Variants in SEMA3E observed in about 807,000 individuals in gnomAD.
SEMA3E encodes semaphorin 3E, also known as semaphorin-3E.
Under a neutral mutation model 93.6 loss-of-function variants are expected in SEMA3E, and 49 were observed. The observed-to-expected ratio is 0.52, with a 90% CI of 0.42 to 0.66. The LOEUF is 0.66. Ranked by LOEUF, SEMA3E falls within the 30% of genes least tolerant of loss-of-function variation. The probability of loss-of-function intolerance (pLI) is 0.00; values close to 1 mark genes in which losing one functional copy is unlikely to be tolerated. For synonymous variants in SEMA3E, 363 were observed against 330.7 expected, an observed-to-expected ratio of 1.10 and a Z score of -1.06; for missense variants, 906 against 964.8, an observed-to-expected ratio of 0.94 and a Z score of 0.81.
rs1254540271 is a variant in SEMA3E at position 83,614,088 on chromosome 7, TTC to T, written c.115+34338_115+34339del. Among the ~76,000 whole-genome samples, 3 of 152,242 alleles carry T rather than the reference TTC, an allele frequency of 2.0e-5. No individual in the cohort carries two copies. The East Asian group carries it at 5.8e-4, about 29-fold the overall frequency. Reference sequence around the variant, plus strand: ...CTTGATGTTACTAAGAGAGAAGATTTTCTGTTTGTCCCTGAAAGTCTCAAGTA... The same window carrying T: ...CTTGATGTTACTAAGAGAGAAGATTTTGTTTGTCCCTGAAAGTCTCAAGTA... On this transcript the variant is annotated intron_variant, in intron 1 of 16. Coordinates refer to ENST00000643230, the MANE Select transcript of SEMA3E (RefSeq NM_012431.3).
At chr7:83,421,968 G>T (rs1428304046) in intron 4 of SEMA3E, among the ~76,000 whole-genome samples, 1 of 152,084 alleles carries the variant, frequency 6.6e-6, no homozygotes, top group Non-Finnish European at 1.5e-5. Flanking sequence ...ACCTGAGGTT[G>T]GGAGTTCGAG....
At chr7:83,557,372 T>A (rs1446329053) in intron 1 of SEMA3E, among the ~76,000 whole-genome samples, 3 of 151,596 alleles carry the variant, frequency 2.0e-5, no homozygotes, top group Non-Finnish European at 2.9e-5. Context: ...ACATAAATAT[T>A]GATCAATAAT....
At position 83,391,568 on chromosome 7, in the gene SEMA3E, G is replaced by A. The variant is rs569601637; in HGVS notation, c.1667+987C>T. Among the ~76,000 whole-genome samples, 6 of 151,288 alleles carry A rather than the reference G, an allele frequency of 4.0e-5. No individual in the cohort carries two copies. The South Asian group carries it at 8.4e-4, about 21-fold the overall frequency. ...AAATTTAGTTCAGAAATGTCCTCTC[G>A]AAGCATAATTTTACTATCCACTTAT... On this transcript the variant is annotated intron_variant, in intron 14 of 16. Transcript: ENST00000643230.
chr7:83,429,614 C>T (rs1427730729), intron 4 of SEMA3E, among the ~76,000 whole-genome samples: 3 of 152,268 alleles, frequency 2.0e-5, no homozygotes, highest in East Asian at 3.9e-4. Flanking sequence ...CCCTGCAGTG[C>T]TTTTGTTTTT....
chr7:83,563,550 AC>A (rs374086034), intron 1 of SEMA3E, among the ~76,000 whole-genome samples: 1 of 152,228 alleles, frequency 6.6e-6, no homozygotes, highest in African/African-American at 2.4e-5. Context: ...TTTATCCCAG[AC>A]CTACTTAATC....
intron 1 of SEMA3E, among the ~76,000 whole-genome samples, chr7:83,585,976 G>A (rs1480539353): frequency 6.6e-6 from 1 of 152,138 alleles, no homozygotes; most frequent in Non-Finnish European, 1.5e-5. Context: ...CCTAACAAAT[G>A]ATCAATAAAT....
At chr7:83,629,543 C>T (rs1002917755) in intron 1 of SEMA3E, among the ~76,000 whole-genome samples, 3 of 152,168 alleles carry the variant, frequency 2.0e-5, no homozygotes, top group Admixed American at 6.5e-5. Flanking sequence ...TGCCGAGCTA[C>T]GATGGGCTCT....
At chr7:83,407,307 A>C in intron 6 of SEMA3E, 68 bp from the exon 7 acceptor site, 2 of 1,299,276 alleles carry the variant, frequency 1.5e-6, no homozygotes, top group Non-Finnish European at 2.2e-6. Flanking sequence ...AAGTTATTCC[A>C]ATAAATTGTA....
intron 1 of SEMA3E, among the ~76,000 whole-genome samples, chr7:83,616,947 A>G (rs1026709097): frequency 6.6e-6 from 1 of 151,668 alleles, no homozygotes; most frequent in African/African-American, 2.4e-5. Flanking sequence ...CTGGTCTCGA[A>G]CTCCTGAACT....
At chr7:83,511,844 C>A (rs550112676) in intron 1 of SEMA3E, among the ~76,000 whole-genome samples, 1 of 152,132 alleles carries the variant, frequency 6.6e-6, no homozygotes, top group Non-Finnish European at 1.5e-5. Flanking sequence ...AGCAGTGAGC[C>A]GAGACCGCGC....
At chr7:83,465,849 ATGAC>A (rs1789744734) in intron 4 of SEMA3E, among the ~76,000 whole-genome samples, 1 of 152,192 alleles carries the variant, frequency 6.6e-6, no homozygotes, top group African/African-American at 2.4e-5. Context: ...AATAGGTTAT[ATGAC>A]TGATCTTTGA....
chr7:83,525,019 G>T (rs1791126487), intron 1 of SEMA3E, among the ~76,000 whole-genome samples: 1 of 151,940 alleles, frequency 6.6e-6, no homozygotes, highest in Non-Finnish European at 1.5e-5. Context: ...CTGTTTTACT[G>T]AAGTACATCA....
At chr7:83,513,439 C>T (rs1790864398) in intron 1 of SEMA3E, among the ~76,000 whole-genome samples, 1 of 152,116 alleles carries the variant, frequency 6.6e-6, no homozygotes, top group Non-Finnish European at 1.5e-5. Context: ...AAAAAATATG[C>T]ATTTCTAAAA....
At chr7:83,487,616 T>C (rs1023886226) in intron 2 of SEMA3E, among the ~76,000 whole-genome samples, 4 of 150,952 alleles carry the variant, frequency 2.6e-5, no homozygotes, top group African/African-American at 9.7e-5. Flanking sequence ...CCAGTTAGGA[T>C]TGAAGCTGGA....
intron 3 of SEMA3E, among the ~76,000 whole-genome samples, chr7:83,466,987 A>G (rs1347019754): frequency 1.3e-5 from 2 of 152,138 alleles, no homozygotes; most frequent in Non-Finnish European, 2.9e-5. Context: ...AGTATAAACA[A>G]TGAATCAGCA....
intron 4 of SEMA3E, among the ~76,000 whole-genome samples, chr7:83,441,500 AAG>A (rs151305096): frequency 2.2e-3 from 334 of 152,366 alleles, no homozygotes; most frequent in African/African-American, 7.6e-3. Context: ...AAGTACAAAA[AAG>A]AAAGATATGG....
intron 1 of SEMA3E, among the ~76,000 whole-genome samples, chr7:83,561,451 C>A (rs1304169636): frequency 6.6e-6 from 1 of 151,968 alleles, no homozygotes; most frequent in Non-Finnish European, 1.5e-5. Flanking sequence ...CTTCAATTTT[C>A]TCTTTCCTGT....
chr7:83,513,884 C>A (rs963009781), intron 1 of SEMA3E, among the ~76,000 whole-genome samples: 2 of 152,106 alleles, frequency 1.3e-5, no homozygotes, highest in Non-Finnish European at 2.9e-5. Context: ...CAGAGCAACT[C>A]CATCTTGAAT....
intron 1 of SEMA3E, among the ~76,000 whole-genome samples, chr7:83,614,817 T>G (rs1793331048): frequency 6.6e-6 from 1 of 152,114 alleles, no homozygotes; most frequent in South Asian, 2.1e-4. Flanking sequence ...TTTATTTCAT[T>G]GGCCAAAACA....
Sources: gnomAD v4.1 joint callset for allele counts (sites outside exome capture counted in the v4.1 genomes callset) on GRCh38, gnomAD v4.1.1 for gene constraint, MANE v1.5 for transcripts, NCBI Gene and HGNC (gene_info 2026-07-23, HGNC 2026-07-21) for gene names.